LIPC: variants seen among roughly 807,000 people sequenced by gnomAD.
LIPC encodes lipase C, hepatic type, also known as hepatic triacylglycerol lipase.
In LIPC, 44 loss-of-function variants were observed where a neutral mutation model predicts 50.7. The observed-to-expected ratio is 0.87, with a 90% CI of 0.68 to 1.11. LIPC has a LOEUF of 1.11. LIPC is among the 50% of genes most tolerant of loss of function. The probability of loss-of-function intolerance (pLI) is 0.00; values close to 1 mark genes in which losing one functional copy is unlikely to be tolerated. For synonymous variants in LIPC, 271 were observed against 256.4 expected (o/e 1.06, Z -0.54); for missense variants, 697 against 648.2 (o/e 1.08, Z -0.82).
rs1893425912 is a variant in LIPC, at chr15:58,439,395, G to T, written c.88+7275G>T. ...AATAAAGGAGTTTGACTAGATCAGT[G>T]ATCCTGGAACTGTAGTGGGTAATGA... On this transcript the variant is annotated intron_variant, in intron 1 of 8. Coordinates refer to ENST00000299022, the MANE Select transcript of LIPC (RefSeq NM_000236.3). 2.0e-5 allele frequency among the ~76,000 whole-genome samples: 3 copies of T among 152,294 alleles called. No individual in the cohort carries two copies. The South Asian group carries it at 6.2e-4, about 32-fold the overall frequency.
chr15:58,470,061 T>C (rs146668492), intron 1 of LIPC, among the ~76,000 whole-genome samples: 279 of 151,810 alleles, frequency 1.8e-3, no homozygotes, highest in African/African-American at 5.9e-3. Flanking sequence ...GACTCCTGAG[T>C]AGCTGGGACT....
chr15:58,436,910 C>T (rs1359456266), intron 1 of LIPC: 2 of 453,634 alleles, frequency 4.4e-6, no homozygotes, highest in African/African-American at 2.0e-5. Context: ...CAAAAAAGAC[C>T]ATCTAGGAAG....
intron 1 of LIPC, chr15:58,454,988 G>A (rs561030973): frequency 6.6e-6 from 1 of 152,264 alleles, no homozygotes; most frequent in East Asian, 1.9e-4. Context: ...TTTTACTATT[G>A]TCTCTGTCTG....
chr15:58,454,168 G>A lies in LIPC; in HGVS notation c.88+22048G>A, dbSNP rs562797588. 2.0e-5 allele frequency among the ~76,000 whole-genome samples: 3 copies of A among 152,320 alleles called. No homozygotes were observed. In the East Asian group the frequency reaches 5.8e-4, roughly 29 times the overall value. ...CCTGCTGTTTCATGCAGGTGCCTCA[G>A]CCACACTTGTCTTCCAGCTCTGGGT... On this transcript the variant is annotated intron_variant, in intron 1 of 8. Transcript: ENST00000299022.
intron 6 of LIPC, among the ~76,000 whole-genome samples, chr15:58,560,044 G>A (rs541841396): frequency 2.6e-4 from 39 of 152,292 alleles, no homozygotes; most frequent in African/African-American, 8.2e-4. Flanking sequence ...ACATCATAGC[G>A]TTGTGATGAG....
rs777672660 is a variant in LIPC at position 58,538,438 on chromosome 15, G to T, written c.194G>T (p.Arg65Leu). The change falls in exon 2 of 9, where the codon CGA becomes CTA. Residue 65 changes from arginine (R) to leucine (L), a missense_variant. Physicochemically the swap from Arg to Leu is moderately radical, Grantham distance 102. Transcript: ENST00000299022. The part of the protein sequence containing the change: ...FGETNQGCQI[R>L]INHPDTLQEC... ...GAAACCAATCAGGGCTGTCAGATTC[G>T]AATCAATCATCCGGACACGTTACAG... 2 of 1,614,040 alleles carry T rather than the reference G, an allele frequency of 1.2e-6. No individual in the cohort carries two copies. The highest frequency in any genetic ancestry group is 1.7e-6 in the Non-Finnish European group (2 of 1,180,032).
intron 6 of LIPC, among the ~76,000 whole-genome samples, chr15:58,557,595 C>G (rs1257709094): frequency 6.6e-6 from 1 of 152,016 alleles, no homozygotes; most frequent in Non-Finnish European, 1.5e-5. Flanking sequence ...CCGTGTTAGC[C>G]AGGATGGTCT....
At chr15:58,543,141 A>G (rs1336460813) in intron 4 of LIPC, among the ~76,000 whole-genome samples, 4 of 152,132 alleles carry the variant, frequency 2.6e-5, no homozygotes, top group Non-Finnish European at 4.4e-5. Context: ...CAAACTCCAT[A>G]CACACTCAGA....
At chr15:58,467,045 C>T (rs1894593401) in intron 1 of LIPC, among the ~76,000 whole-genome samples, 1 of 152,132 alleles carries the variant, frequency 6.6e-6, no homozygotes. Flanking sequence ...ATAGTTATAA[C>T]TTTTTATTCC....
chr15:58,493,558 TATAAATAAAATTTATACAAAATTTATTAC>T (rs1566928191), intron 1 of LIPC, among the ~76,000 whole-genome samples: 3 of 28,278 alleles, frequency 1.1e-4, no homozygotes, highest in South Asian at 1.4e-3. Context: ...ATTTATTACA[TATAAATAAAATTTATACAAAATTTATTAC>T]GTATAAATAA....
At chr15:58,481,936 C>T (rs909374107) in intron 1 of LIPC, among the ~76,000 whole-genome samples, 1 of 152,172 alleles carries the variant, frequency 6.6e-6, no homozygotes, top group South Asian at 2.1e-4. Flanking sequence ...TACACATGTG[C>T]ACTTGTATGT....
At chr15:58,526,604 C>T (rs1333919129) in intron 1 of LIPC, among the ~76,000 whole-genome samples, 1 of 152,210 alleles carries the variant, frequency 6.6e-6, no homozygotes, top group South Asian at 2.1e-4. Flanking sequence ...ACAGCTAAGG[C>T]AGTGTGCTAC....
Position 58,563,506 on chromosome 15 carries a change from G to A in LIPC, c.1171G>A (p.Gly391Ser). ...EKMQKIPITL[G>S]KGIASNKTYS... ...TCTGATTTTCTTTGTGTATTCAAGGGGCAAAGGAATTGCTAGTAATAAAAC... is the reference window on the plus strand; with the variant it reads ...TCTGATTTTCTTTGTGTATTCAAGGAGCAAAGGAATTGCTAGTAATAAAAC... The change falls in exon 8 of 9, where the codon GGC becomes AGC. Residue 391 changes from glycine (G) to serine (S), a missense_variant and splice_region_variant. Gly to Ser is a moderately conservative substitution (Grantham distance 56). Transcript: ENST00000299022. The A allele has an allele frequency of 6.2e-7, 1 of 1,612,710 alleles. No individual in the cohort carries two copies.
intron 1 of LIPC, chr15:58,435,892 C>G (rs1893281122): frequency 6.6e-6 from 1 of 152,152 alleles, no homozygotes; most frequent in Non-Finnish European, 1.5e-5. Context: ...TCCTGGGCAA[C>G]AAAGTGAAAC....
chr15:58,460,850 A>AAGG (rs1566915017), intron 1 of LIPC, among the ~76,000 whole-genome samples: 2 of 152,212 alleles, frequency 1.3e-5, no homozygotes, highest in African/African-American at 4.8e-5. Context: ...GCGTAGTCCC[A>AAGG]TGGCCTCTTT....
At chr15:58,533,408 T>C (rs1893014296) in intron 1 of LIPC, among the ~76,000 whole-genome samples, 1 of 152,194 alleles carries the variant, frequency 6.6e-6, no homozygotes, top group South Asian at 2.1e-4. Flanking sequence ...TATATGTATA[T>C]ATAAAGAGAT....
intron 8 of LIPC, chr15:58,565,236 G>A (rs1228951592): frequency 1.3e-6 from 2 of 1,535,602 alleles, no homozygotes; most frequent in East Asian, 2.4e-5. Flanking sequence ...TCTGCACTGA[G>A]CTCTTCTCAC....
chr15:58,555,608 T>C (rs41294813), intron 6 of LIPC, among the ~76,000 whole-genome samples: 61,854 of 152,058 alleles, frequency 0.41, 14,549 homozygotes, highest in Non-Finnish European at 0.54. Flanking sequence ...TAATTAACAC[T>C]GTGTCGGTCT....
Position 58,431,995 on chromosome 15 carries a change from A to T in LIPC, c.-38A>T. ...CATTGTGGTCTCTTTGGCTTCAGAAATTACCAAGAAAGCCTGGACCCCGGG... is the reference window on the plus strand; with the variant it reads ...CATTGTGGTCTCTTTGGCTTCAGAATTTACCAAGAAAGCCTGGACCCCGGG... On this transcript the variant is annotated 5_prime_UTR_variant, in exon 1 of 9. Coordinates refer to ENST00000299022, the MANE Select transcript of LIPC (RefSeq NM_000236.3). 6.8e-7 allele frequency: 1 copy of T among 1,477,256 alleles called. No individual in the cohort carries two copies. Among genetic ancestry groups the T allele is most frequent in the Non-Finnish European group, 9.5e-7 (1 of 1,055,152 alleles). 91.5% of individuals were successfully genotyped at this position (1,477,256 alleles called of 1,614,324 possible).
Sources: gnomAD v4.1 joint callset for allele counts (sites outside exome capture counted in the v4.1 genomes callset) on GRCh38, gnomAD v4.1.1 for gene constraint, MANE v1.5 for transcripts, NCBI Gene and HGNC (gene_info 2026-07-23, HGNC 2026-07-21) for gene names.